ABCB7: variants seen among roughly 807,000 people sequenced by gnomAD.
ABCB7 encodes iron-sulfur clusters transporter ABCB7, mitochondrial.
ABCB7 carries 7 observed loss-of-function variants against 54.4 expected under a neutral mutation model. The observed-to-expected ratio is 0.13, with a 90% CI of 0.07 to 0.24. ABCB7 has a LOEUF of 0.24. Ranked by LOEUF, ABCB7 falls within the 10% of genes least tolerant of loss-of-function variation. The pLI is 1.00. For synonymous variants in ABCB7, 218 were observed against 207.1 expected, an observed-to-expected ratio of 1.05 and a Z score of -0.45; for missense variants, 356 against 570.4, an observed-to-expected ratio of 0.62 and a Z score of 3.83.
chrX:75,120,962 T>C, intron 1 of ABCB7, among the ~76,000 whole-genome samples: 1 of 110,801 alleles, frequency 9.0e-6, no homozygotes, highest in Middle Eastern at 4.6e-3. Flanking sequence ...CTAAGATTCC[T>C]TATGAAGCAC....
intron 1 of ABCB7, among the ~76,000 whole-genome samples, chrX:75,117,562 G>A (rs1303839611): frequency 9.0e-6 from 1 of 110,943 alleles, no homozygotes; most frequent in African/African-American, 3.3e-5. Flanking sequence ...AGATTTAGGG[G>A]GTTAGAGGCC....
chrX:75,141,933 T>C (rs1431256388), intron 1 of ABCB7, among the ~76,000 whole-genome samples: 1 of 111,485 alleles, frequency 9.0e-6, no homozygotes, highest in Non-Finnish European at 1.9e-5. Flanking sequence ...AGCCCAAACC[T>C]GGAAAAACAG....
rs761368845 is a variant in ABCB7 at position 75,093,268 on chromosome X, C to T, written c.453+5674G>A. Among the ~76,000 whole-genome samples the T allele has an allele frequency of 2.7e-5, 3 of 111,858 alleles. No individual in the cohort carries two copies. The South Asian group carries it at 1.1e-3, about 41-fold the overall frequency. On this transcript the variant is annotated intron_variant, in intron 4 of 15. Coordinates refer to ENST00000373394, the MANE Select transcript of ABCB7 (RefSeq NM_001271696.3). The stretch of plus-strand genomic sequence containing the variant: ...AGAGCTATCAGGTAACACACACCCA[C>T]ACAATGAATATCTTGAAATACATAT...
intron 3 of ABCB7, among the ~76,000 whole-genome samples, chrX:75,099,530 G>A (rs1470301371): frequency 9.0e-6 from 1 of 111,410 alleles, no homozygotes; most frequent in Non-Finnish European, 1.9e-5. Flanking sequence ...TTTTAGGAAA[G>A]CAGAGGGCTT....
intron 3 of ABCB7, among the ~76,000 whole-genome samples, chrX:75,106,349 T>C (rs1466637084): frequency 2.7e-5 from 3 of 111,518 alleles, no homozygotes; most frequent in South Asian, 3.7e-4. Flanking sequence ...CCAACAAACA[T>C]ATGAAAAAAT....
intron 3 of ABCB7, among the ~76,000 whole-genome samples, chrX:75,100,300 A>C (rs2081629166): frequency 9.1e-6 from 1 of 109,944 alleles, no homozygotes; most frequent in African/African-American, 3.3e-5. Context: ...CCAGCTTAAA[A>C]CCCTTAAGCA....
intron 1 of ABCB7, among the ~76,000 whole-genome samples, chrX:75,137,682 T>C (rs554218893): frequency 7.1e-5 from 8 of 112,610 alleles, no homozygotes; most frequent in Admixed American, 2.8e-4. Flanking sequence ...ATACACACTA[T>C]GGAATACCAC....
At chrX:75,116,425 AAC>A (rs745386349) in intron 1 of ABCB7, among the ~76,000 whole-genome samples, 1 of 109,918 alleles carries the variant, frequency 9.1e-6, no homozygotes, top group Non-Finnish European at 1.9e-5. Flanking sequence ...TAGCAAAATA[AAC>A]CTGTAAATTG....
intron 1 of ABCB7, among the ~76,000 whole-genome samples, chrX:75,123,680 T>C (rs1279078006): frequency 8.9e-6 from 1 of 112,050 alleles, no homozygotes; most frequent in Non-Finnish European, 1.9e-5. Context: ...CTCTTCAATT[T>C]TTTTCATCAG....
chrX:75,144,110 C>T (rs920890965), intron 1 of ABCB7, among the ~76,000 whole-genome samples: 2 of 111,359 alleles, frequency 1.8e-5, no homozygotes, highest in Admixed American at 9.6e-5. Flanking sequence ...CACTTCTCTC[C>T]TATATTACTT....
chrX:75,074,845 G>A (rs755005007), intron 6 of ABCB7, among the ~76,000 whole-genome samples: 13 of 111,006 alleles, frequency 1.2e-4, no homozygotes, highest in Non-Finnish European at 2.3e-4. Flanking sequence ...TGAGGGTGGA[G>A]GGTGGCAGAT....
intron 1 of ABCB7, among the ~76,000 whole-genome samples, chrX:75,151,323 G>T (rs1265459108): frequency 1.8e-5 from 2 of 110,987 alleles, no homozygotes; most frequent in African/African-American, 6.6e-5. Flanking sequence ...CCCATGTAAG[G>T]TATATCTTTA....
At chrX:75,081,727 C>T (rs6607507) in intron 4 of ABCB7, among the ~76,000 whole-genome samples, 12,292 of 111,237 alleles carry the variant, frequency 0.11, 1,685 homozygotes, top group African/African-American at 0.38. Context: ...TGTTCCATTA[C>T]TATGCCATCC....
chrX:75,091,560 T>C (rs1253427404), intron 4 of ABCB7, among the ~76,000 whole-genome samples: 3 of 110,896 alleles, frequency 2.7e-5, no homozygotes, highest in Admixed American at 9.6e-5. Context: ...TTCAACACTG[T>C]ACTAGAAGTC....
At chrX:75,092,767 TCAC>T (rs1344428364) in intron 4 of ABCB7, among the ~76,000 whole-genome samples, 4 of 111,446 alleles carry the variant, frequency 3.6e-5, no homozygotes, top group African/African-American at 1.3e-4. Flanking sequence ...ATCAGACACT[TCAC>T]CAAAGAAGAT....
At chrX:75,060,421 G>A in intron 14 of ABCB7, 91 bp from the exon 15 acceptor site, 1 of 750,410 alleles carries the variant, frequency 1.3e-6, no homozygotes, top group South Asian at 2.3e-5. Context: ...ATTTCCTAAA[G>A]GAACATAAAA....
At chrX:75,098,248 G>A (rs1199687428) in intron 4 of ABCB7, among the ~76,000 whole-genome samples, 1 of 108,145 alleles carries the variant, frequency 9.2e-6, no homozygotes, top group Admixed American at 9.9e-5. Context: ...GGCAGAGATT[G>A]CAGTGAGCCA....
chrX:75,100,081 TA>T (rs993134552), intron 3 of ABCB7, among the ~76,000 whole-genome samples: 11 of 109,049 alleles, frequency 1.0e-4, no homozygotes, highest in East Asian at 2.9e-4. Context: ...GAATTTATGC[TA>T]AAAAAAAACC....
At chrX:75,076,065 T>C (rs2081406841) in intron 5 of ABCB7, among the ~76,000 whole-genome samples, 1 of 111,759 alleles carries the variant, frequency 8.9e-6, no homozygotes, top group Admixed American at 9.5e-5. Flanking sequence ...TCCTTTCTAA[T>C]GCATGGGACA....
Sources: allele counts gnomAD v4.1 joint callset (sites outside exome capture counted in the v4.1 genomes callset), GRCh38; gene constraint gnomAD v4.1.1; transcripts MANE v1.5; gene names NCBI Gene and HGNC (gene_info 2026-07-23, HGNC 2026-07-21).